Variants in HOXA9 observed in about 807,000 individuals in gnomAD.
HOXA9 encodes the protein homeobox A9.
In HOXA9, 18 loss-of-function variants were observed where a neutral mutation model predicts 19.0. The observed-to-expected ratio is 0.95, with a 90% CI of 0.65 to 1.40. The LOEUF (loss-of-function observed/expected upper bound fraction) is 1.40. Ranked by LOEUF, HOXA9 falls within the 40% of genes most tolerant of loss-of-function variation. HOXA9 has a pLI of 0.00. For missense variants in HOXA9, 443 were observed against 372.2 expected, an observed-to-expected ratio of 1.19 and a Z score of -1.57; for synonymous variants, 198 against 161.1, an observed-to-expected ratio of 1.23 and a Z score of -1.73.
rs1201843950 is a variant in HOXA9 at position 27,162,449 on chromosome 7, CA to C, written c.*1153del. 1.6e-5 allele frequency: 3 copies of C among 187,372 alleles called. No individual in the cohort carries two copies. The highest frequency in any genetic ancestry group is 3.4e-5 in the Non-Finnish European group (3 of 88,674). 11.6% of individuals were successfully genotyped at this position (187,372 alleles called of 1,614,324 possible). On this transcript the variant is annotated 3_prime_UTR_variant, in exon 2 of 2. Transcript: ENST00000343483. ...AGACCCGCAAAAAATAGAAAAGAAT[CA>C]ATATATTTTATTTGGCAAAAAGTTA...
chr7:27,163,520 G>A lies in HOXA9; in HGVS notation c.*83C>T, dbSNP rs7810502. ...GGTGGAGGCTAGGGTGGGGGTGAGA[G>A]AAGGGAGAAGGCGGAAGGGGGACGG... is the stretch of plus-strand genomic sequence containing the variant. On this transcript the variant is annotated 3_prime_UTR_variant, in exon 2 of 2. Transcript: ENST00000343483. 761,059 of 1,124,978 alleles carry A rather than the reference G, an allele frequency of 0.68. 259,656 individuals are homozygous for A. Among genetic ancestry groups the A allele is most frequent in the Middle Eastern group, 0.81 (2,942 of 3,624 alleles). The allele number at this position is 1,124,978 out of a possible 1,614,324, so 69.7% of individuals were successfully genotyped here. A position where few individuals can be genotyped will look rare whatever the true frequency, so the allele number is the denominator to read the frequency against.
intron 1 of HOXA9, 138 bp from the exon 2 acceptor site, chr7:27,163,979 A>G: frequency 1.4e-6 from 1 of 703,680 alleles, no homozygotes; most frequent in East Asian, 2.5e-5. Flanking sequence ...GGCCTCGGAC[A>G]CAATGGAACC....
chr7:27,164,633 G>T (rs1270645116), intron 1 of HOXA9, among the ~76,000 whole-genome samples: 1 of 152,230 alleles, frequency 6.6e-6, no homozygotes, highest in Non-Finnish European at 1.5e-5. Context: ...GTCCCGAAGT[G>T]CCCGCCCCGC....
intron 1 of HOXA9, among the ~76,000 whole-genome samples, 165 bp from the exon 2 acceptor site, chr7:27,164,006 C>T (rs776707268): frequency 3.9e-5 from 6 of 152,222 alleles, no homozygotes; most frequent in Non-Finnish European, 7.3e-5. Context: ...GACAGACGCA[C>T]AGACAGTCAC....
rs1001381193 is a variant in HOXA9 at position 27,165,360 on chromosome 7, C to G, written c.98G>C (p.Gly33Ala). 2 of 1,597,930 alleles carry G rather than the reference C, an allele frequency of 1.3e-6. No individual in the cohort carries two copies. Among genetic ancestry groups the G allele is most frequent in the African/African-American group, 1.3e-5 (1 of 74,502 alleles). The change falls in exon 1 of 2, where the codon GGG (glycine) becomes GCG (alanine). Residue 33 changes from glycine to alanine, a missense_variant. Physicochemically the swap from Gly to Ala is moderately conservative, Grantham distance 60. Transcript: ENST00000343483. ...DELSVGRYAP[G>A]TLGQPPRQAA... ...CTGCCGGGGAGGCTGGCCCAGGGTCCCCGGCGCATAGCGGCCAACGCTCAG... is the reference window on the plus strand; with the variant it reads ...CTGCCGGGGAGGCTGGCCCAGGGTCGCCGGCGCATAGCGGCCAACGCTCAG...
In HOXA9 at chr7:27,162,824, G is replaced by C. The variant is rs539449195; in HGVS notation, c.*779C>G. The C allele has an allele frequency of 4.0e-5, 8 of 200,980 alleles. No individual in the cohort carries two copies. The highest frequency in any genetic ancestry group is 1.6e-4 in the African/African-American group (7 of 43,518). The allele number at this position is 200,980 out of a possible 1,614,324, so 12.4% of individuals were successfully genotyped here. A position where few individuals can be genotyped will look rare whatever the true frequency, so the allele number is the denominator to read the frequency against. On this transcript the variant is annotated 3_prime_UTR_variant, in exon 2 of 2. Transcript: ENST00000343483. ...TATAGATTATATATACAATAGACAAGACAGGACTATATAGATAATGGACAG... is the reference window on the plus strand; with the variant it reads ...TATAGATTATATATACAATAGACAACACAGGACTATATAGATAATGGACAG...
Position 27,163,301 on chromosome 7 carries a change from T to A in HOXA9, c.*302A>T, listed in dbSNP as rs546588205. The A allele has an allele frequency of 2.9e-5, 9 of 305,368 alleles. No individual in the cohort carries two copies. The highest frequency in any genetic ancestry group is 1.5e-4 in the African/African-American group (7 of 47,290). The allele number at this position is 305,368 out of a possible 1,614,324, so 18.9% of individuals were successfully genotyped here. A position where few individuals can be genotyped will look rare whatever the true frequency, so the allele number is the denominator to read the frequency against. On this transcript the variant is annotated 3_prime_UTR_variant, in exon 2 of 2. Coordinates refer to ENST00000343483, the MANE Select transcript of HOXA9 (RefSeq NM_152739.4). The stretch of plus-strand genomic sequence containing the variant: ...TTTAAGTCAGGAACAGGTAGATTTT[T>A]AAAAATATATATACAAGCTAACACA...
At position 27,162,657 on chromosome 7, in the gene HOXA9, A is replaced by T. The variant is rs1783223477; in HGVS notation, c.*946T>A. On this transcript the variant is annotated 3_prime_UTR_variant, in exon 2 of 2. Coordinates refer to ENST00000343483, the MANE Select transcript of HOXA9 (RefSeq NM_152739.4). ...TAAAATTAACTCCGTTACAATCAGC[A>T]TTCATTTCCTCCAATTAAAATTAAG... is the stretch of plus-strand genomic sequence containing the variant. 9.5e-6 allele frequency: 2 copies of T among 211,306 alleles called. No homozygotes were observed. The highest frequency in any genetic ancestry group is 1.9e-5 in the Non-Finnish European group (2 of 103,954). The allele number at this position is 211,306 out of a possible 1,614,324, so 13.1% of individuals were successfully genotyped here.
At chr7:27,164,052 C>T (rs1783261793) in intron 1 of HOXA9, among the ~76,000 whole-genome samples, 1 of 152,186 alleles carries the variant, frequency 6.6e-6, no homozygotes, top group Non-Finnish European at 1.5e-5. Flanking sequence ...GGCTCGCCCT[C>T]CCCTCCGAGA....
chr7:27,163,894 G>C (rs1464473402), intron 1 of HOXA9, 53 bp from the exon 2 acceptor site: 8 of 1,456,010 alleles, frequency 5.5e-6, no homozygotes, highest in Non-Finnish European at 7.7e-6. Context: ...CATCCCGCTG[G>C]GGCAAATGAG....
Position 27,163,604 on chromosome 7 carries a change from C to G in HOXA9, c.818G>C (p.Ter273SerextTer71). 6.2e-7 allele frequency: 1 copy of G among 1,608,510 alleles called. No individual in the cohort carries two copies. Among genetic ancestry groups the G allele is most frequent in the Non-Finnish European group, 8.5e-7 (1 of 1,175,942 alleles). The change falls in exon 2 of 2, where the codon TGA (stop) becomes TCA (serine). Residue 273 changes from the stop codon to serine, a stop_lost. Coordinates refer to ENST00000343483, the MANE Select transcript of HOXA9 (RefSeq NM_152739.4). ...KINKDRAKDE[*>S] ...TTTTCTAAATAAGCCCAAATGGCAT[C>G]ACTCGTCTTTTGCTCGGTCTTTGTT...
Position 27,165,300 on chromosome 7 carries a change from G to T in HOXA9, c.158C>A (p.Pro53Gln). 6.4e-7 allele frequency: 1 copy of T among 1,571,050 alleles called. No homozygotes were observed. Among genetic ancestry groups the T allele is most frequent in the African/African-American group, 1.3e-5 (1 of 74,176 alleles). Reference sequence around the variant, plus strand: ...CGTCGCCTTGGACTGGAAGCTGCACGGGCTGAAGTCGGGGTGCTCGGCCAG... The same window carrying T: ...CGTCGCCTTGGACTGGAAGCTGCACTGGCTGAAGTCGGGGTGCTCGGCCAG... ...ATLAEHPDFSPCSFQSKATVF... is the reference protein window; with the variant it reads ...ATLAEHPDFSQCSFQSKATVF... The change falls in exon 1 of 2, where the codon CCG becomes CAG. Residue 53 changes from proline to glutamine, a missense_variant. Coordinates refer to ENST00000343483, the MANE Select transcript of HOXA9 (RefSeq NM_152739.4).
rs919611071 is a variant in HOXA9 at position 27,165,413 on chromosome 7, G to T, written c.45C>A (p.Phe15Leu). The change falls in exon 1 of 2, where the codon TTC becomes TTA. Residue 15 changes from phenylalanine (F) to leucine (L), a missense_variant. Coordinates refer to ENST00000343483, the MANE Select transcript of HOXA9 (RefSeq NM_152739.4). The stretch of plus-strand genomic sequence containing the variant: ...CATCCGCGGCGTCGGCGCCCAGCAG[G>T]AACGAGTCCACGTAGTAGTTGCCCA... ...GALGNYYVDS[F>L]LLGADAADEL... 2.5e-6 allele frequency: 4 copies of T among 1,609,676 alleles called. No homozygotes were observed. The highest frequency in any genetic ancestry group is 3.4e-6 in the Non-Finnish European group (4 of 1,179,048).
Position 27,163,179 on chromosome 7 carries a change from G to A in HOXA9, c.*424C>T, listed in dbSNP as rs368820871. 46 of 229,912 alleles carry A rather than the reference G, an allele frequency of 2.0e-4. No homozygotes were observed. The highest frequency in any genetic ancestry group is 9.6e-4 in the African/African-American group (43 of 44,978). The allele number at this position is 229,912 out of a possible 1,614,324, so 14.2% of individuals were successfully genotyped here. On this transcript the variant is annotated 3_prime_UTR_variant, in exon 2 of 2. Coordinates refer to ENST00000343483, the MANE Select transcript of HOXA9 (RefSeq NM_152739.4). ...AAGTATCTTGGCAGAGCAATCTGCC[G>A]CACAAACTGCAAATTAAATTAACTA... is the stretch of plus-strand genomic sequence containing the variant.
At position 27,162,759 on chromosome 7, in the gene HOXA9, A is replaced by G. The variant is rs1783226953; in HGVS notation, c.*844T>C. ...TCACTGTTCGTCTGGTGCAAAAACA[A>G]TATTCAAGCTTGTCTGATTATGCAT... is the stretch of plus-strand genomic sequence containing the variant. On this transcript the variant is annotated 3_prime_UTR_variant, in exon 2 of 2. Transcript: ENST00000343483. The G allele has an allele frequency of 4.8e-6, 1 of 208,192 alleles. No homozygotes were observed. The highest frequency in any genetic ancestry group is 9.8e-6 in the Non-Finnish European group (1 of 102,158). The allele number at this position is 208,192 out of a possible 1,614,324, so 12.9% of individuals were successfully genotyped here. A position where few individuals can be genotyped will look rare whatever the true frequency, so the allele number is the denominator to read the frequency against.
rs964007244 is a variant in HOXA9 at position 27,163,440 on chromosome 7, G to C, written c.*163C>G. On this transcript the variant is annotated 3_prime_UTR_variant, in exon 2 of 2. Coordinates refer to ENST00000343483, the MANE Select transcript of HOXA9 (RefSeq NM_152739.4). Reference sequence around the variant, plus strand: ...GCAGGCCTACGAGCCAGCCTGAACAGGGTTTGCCTTGGAAAAGATGTGGCC... The same window carrying C: ...GCAGGCCTACGAGCCAGCCTGAACACGGTTTGCCTTGGAAAAGATGTGGCC... The C allele has an allele frequency of 4.5e-6, 3 of 669,628 alleles. No homozygotes were observed. The highest frequency in any genetic ancestry group is 3.6e-5 in the African/African-American group (2 of 55,762). The allele number at this position is 669,628 out of a possible 1,614,324, so 41.5% of individuals were successfully genotyped here. A position where few individuals can be genotyped will look rare whatever the true frequency, so the allele number is the denominator to read the frequency against.
chr7:27,163,545 G>T lies in HOXA9; in HGVS notation c.*58C>A. On this transcript the variant is annotated 3_prime_UTR_variant, in exon 2 of 2. Transcript: ENST00000343483. ...GAAGGGAGAAGGCGGAAGGGGGACG[G>T]ACAGTTCTTTCTTTTTCTCTCTAGC... The T allele has an allele frequency of 7.5e-7, 1 of 1,334,800 alleles. No homozygotes were observed. The highest frequency in any genetic ancestry group is 1.1e-6 in the Non-Finnish European group (1 of 941,636). 82.7% of individuals were successfully genotyped at this position (1,334,800 alleles called of 1,614,324 possible). A position where few individuals can be genotyped will look rare whatever the true frequency, so the allele number is the denominator to read the frequency against.
chr7:27,164,469 C>T (rs746764190), intron 1 of HOXA9, among the ~76,000 whole-genome samples: 14 of 152,260 alleles, frequency 9.2e-5, no homozygotes, highest in Non-Finnish European at 1.9e-4. Context: ...CCGTCTCCCC[C>T]AGCGTCCCAG....
chr7:27,164,852 C>CGGA (rs755027883), intron 1 of HOXA9, 26 bp downstream of exon 1: 1 of 1,594,230 alleles, frequency 6.3e-7, no homozygotes, highest in Admixed American at 1.7e-5. Context: ...GAGGCGGCGG[C>CGGA]GGATTTGAAG....
Sources: gnomAD v4.1 joint callset for allele counts (sites outside exome capture counted in the v4.1 genomes callset) on GRCh38, gnomAD v4.1.1 for gene constraint, MANE v1.5 for transcripts, NCBI Gene and HGNC (gene_info 2026-07-23, HGNC 2026-07-21) for gene names.